Variants in WDR83 observed in about 807,000 individuals in gnomAD.
The protein encoded by WDR83 is WD repeat domain 83.
In WDR83, 37 loss-of-function variants were observed where a neutral mutation model predicts 37.7. That is an observed-to-expected ratio of 0.98 (90% CI 0.76 to 1.29). The LOEUF is 1.29. WDR83 is among the 50% of genes most tolerant of loss of function. The pLI is 0.00. For synonymous variants in WDR83, 174 were observed against 181.1 expected (o/e 0.96, Z 0.31); for missense variants, 445 against 414.4 (o/e 1.07, Z -0.64).
At position 12,666,832 on chromosome 19, in the gene WDR83, G is replaced by T. The variant is rs1012389053; in HGVS notation, c.-317G>T. 6 of 899,272 alleles carry T rather than the reference G, an allele frequency of 6.7e-6. No individual in the cohort carries two copies. The highest frequency in any genetic ancestry group is 9.9e-6 in the Non-Finnish European group (6 of 607,540). The allele number at this position is 899,272 out of a possible 1,614,324, so 55.7% of individuals were successfully genotyped here. On this transcript the variant is annotated 5_prime_UTR_variant, in exon 1 of 11. In the 5' UTR this introduces an upstream ATG that the reference lacks. Coordinates refer to ENST00000418543, the MANE Select transcript of WDR83 (RefSeq NM_001099737.3). ...GCGGTCTGGAGGCTCACGGGAGAGA[G>T]GCTGTAGCCCTGGGCAATCCCGGGG... is the stretch of plus-strand genomic sequence containing the variant.
intron 10 of WDR83, among the ~76,000 whole-genome samples, chr19:12,673,637 TA>T (rs1216732240): frequency 6.6e-6 from 1 of 150,618 alleles, no homozygotes; most frequent in Non-Finnish European, 1.5e-5. Context: ...AGGCTGGTCT[TA>T]AACTCCTGAC....
intron 7 of WDR83, 79 bp from the exon 8 acceptor site, chr19:12,672,768 C>A: frequency 6.9e-7 from 1 of 1,450,450 alleles, no homozygotes; most frequent in Non-Finnish European, 9.5e-7. Context: ...AGCAGGCCCA[C>A]TGGGCTGGGA....
At chr19:12,668,701 G>A (rs564299474) in intron 2 of WDR83, 74 bp downstream of exon 2, 3 of 1,146,434 alleles carry the variant, frequency 2.6e-6, no homozygotes, top group East Asian at 2.5e-5. Flanking sequence ...ACCAGATCAT[G>A]CCCACTGATT....
At position 12,670,298 on chromosome 19, in the gene WDR83, C is replaced by T. The variant is rs2024374361; in HGVS notation, c.330+13C>T. Reference sequence around the variant, plus strand: ...GGGCCACGCAGGGGTGAGTGAAAGCCTGGAGACCCTCATTTGAGTGGAGGG... The same window carrying T: ...GGGCCACGCAGGGGTGAGTGAAAGCTTGGAGACCCTCATTTGAGTGGAGGG... On this transcript the variant is annotated intron_variant, in intron 5 of 10. Transcript: ENST00000418543. The T allele has an allele frequency of 1.2e-6, 2 of 1,611,838 alleles. No individual in the cohort carries two copies. The highest frequency in any genetic ancestry group is 1.3e-5 in the African/African-American group (1 of 74,866).
intron 7 of WDR83, among the ~76,000 whole-genome samples, chr19:12,671,963 TG>T (rs1238960707): frequency 6.6e-6 from 1 of 152,196 alleles, no homozygotes; most frequent in African/African-American, 2.4e-5. Flanking sequence ...CCCAAAGAGC[TG>T]GAATCACAGG....
intron 10 of WDR83, among the ~76,000 whole-genome samples, chr19:12,674,720 G>C (rs1339717228): frequency 6.6e-6 from 1 of 152,120 alleles, no homozygotes; most frequent in Non-Finnish European, 1.5e-5. Context: ...CTGTGAGCAA[G>C]GCATGCTCCA....
At position 12,669,768 on chromosome 19, in the gene WDR83, T is replaced by G. The variant is rs1296275059; in HGVS notation, c.-23T>G. ...TTTTCCGTACAGACCGATTTAAGGC[T>G]GCAAGGAAGGAGTCCTGGGAGCATG... On this transcript the variant is annotated 5_prime_UTR_variant, in exon 3 of 11. Transcript: ENST00000418543. The G allele has an allele frequency of 6.4e-7, 1 of 1,566,814 alleles. No individual in the cohort carries two copies.
intron 1 of WDR83, 29 bp downstream of exon 1, chr19:12,667,021 G>GC: frequency 2.3e-6 from 1 of 443,434 alleles, no homozygotes; most frequent in Admixed American, 3.9e-5. Context: ...TTCCTAAGGG[G>GC]GCCGGGTTTT....
Position 12,670,562 on chromosome 19 carries a change from G to A in WDR83, c.331-1G>A. ...CCTCTGAGTGGCAATAACTTTCTCA[G>A]AAGGTGAACACGGTGCAGTTTAATG... is the stretch of plus-strand genomic sequence containing the variant. On this transcript the variant is annotated splice_acceptor_variant, in intron 5 of 10. Coordinates refer to ENST00000418543, the MANE Select transcript of WDR83 (RefSeq NM_001099737.3). LOFTEE classifies it high-confidence loss of function. The A allele has an allele frequency of 6.2e-7, 1 of 1,614,218 alleles. No individual in the cohort carries two copies. Among genetic ancestry groups the A allele is most frequent in the Non-Finnish European group, 8.5e-7 (1 of 1,180,042 alleles).
intron 2 of WDR83, chr19:12,669,402 A>T (rs1354996742): frequency 2.9e-5 from 47 of 1,596,338 alleles, no homozygotes; most frequent in Non-Finnish European, 3.9e-5. Context: ...GTTAGTGGAC[A>T]TAGCGAGTCG....
chr19:12,674,039 C>G (rs757716836), intron 10 of WDR83, among the ~76,000 whole-genome samples: 2 of 152,124 alleles, frequency 1.3e-5, no homozygotes, highest in African/African-American at 2.4e-5. Context: ...GCATTCCAGG[C>G]AAAGGGAACA....
At chr19:12,672,803 G>GT (rs1239244298) in intron 7 of WDR83, 44 bp from the exon 8 acceptor site, 1 of 1,550,172 alleles carries the variant, frequency 6.5e-7, no homozygotes, top group African/African-American at 1.4e-5. Context: ...CTGGAGCCAT[G>GT]TGAGTGTAGT....
rs762783274 is a variant in WDR83 at position 12,675,819 on chromosome 19, T to C, written c.*147T>C. The C allele has an allele frequency of 8.9e-6, 14 of 1,577,046 alleles. No individual in the cohort carries two copies. In the Admixed American group the frequency reaches 2.5e-4, roughly 29 times the overall value. ...AATAAATAGAAGAGGGGGTAAGACC[T>C]TCCTGGGACCGCAGCCGCTCAGTCC... On this transcript the variant is annotated 3_prime_UTR_variant, in exon 11 of 11. Transcript: ENST00000418543.
intron 10 of WDR83, 92 bp downstream of exon 10, chr19:12,673,408 ATCTT>A (rs1279855186): frequency 2.0e-4 from 52 of 265,958 alleles, no homozygotes; most frequent in Non-Finnish European, 2.4e-4. Context: ...GAAGGCTAGG[ATCTT>A]TTTTTTTTTT....
At chr19:12,669,576 C>T (rs945844046) in intron 2 of WDR83, 179 bp from the exon 3 acceptor site, 14 of 970,198 alleles carry the variant, frequency 1.4e-5, no homozygotes, top group Admixed American at 2.7e-5. Flanking sequence ...AGCCAGAAGT[C>T]TTCCTTTCAA....
chr19:12,671,409 T>C (rs2145314642), intron 7 of WDR83: 1 of 152,784 alleles, frequency 6.5e-6, no homozygotes, highest in African/African-American at 2.4e-5. Context: ...TCCCAGCACT[T>C]TGGGAGGCAG....
Position 12,670,700 on chromosome 19 carries a change from A to G in WDR83, c.385A>G (p.Ile129Val), listed in dbSNP as rs201520215. The G allele has an allele frequency of 1.4e-4, 228 of 1,614,008 alleles. No individual in the cohort carries two copies. Among genetic ancestry groups the G allele is most frequent in the Non-Finnish European group, 1.7e-5 (20 of 1,180,026 alleles). ...EEATVILSGS[I>V]DSSIRCWDCR... Reference sequence around the variant, plus strand: ...CCATCATGCTGGCCTCACAGGCTCTATTGATTCCAGTATCCGCTGTTGGGA... The same window carrying G: ...CCATCATGCTGGCCTCACAGGCTCTGTTGATTCCAGTATCCGCTGTTGGGA... The change falls in exon 7 of 11, where the codon ATT becomes GTT. Residue 129 changes from isoleucine (I) to valine (V), a missense_variant. Physicochemically the swap from Ile to Val is conservative, Grantham distance 29. Coordinates refer to ENST00000418543, the MANE Select transcript of WDR83 (RefSeq NM_001099737.3).
In WDR83 at chr19:12,668,576, G is replaced by A. The variant is rs149144620; in HGVS notation, c.-88G>A. 1.7e-5 allele frequency: 27 copies of A among 1,614,024 alleles called. No homozygotes were observed. Among genetic ancestry groups the A allele is most frequent in the Non-Finnish European group, 2.3e-5 (27 of 1,180,024 alleles). Reference sequence around the variant, plus strand: ...CCGAGCTCCGAGAGTTGGCAAAGCTGATGAAGGAGCAGTAGACAGCGACCC... The same window carrying A: ...CCGAGCTCCGAGAGTTGGCAAAGCTAATGAAGGAGCAGTAGACAGCGACCC... On this transcript the variant is annotated 5_prime_UTR_variant, in exon 2 of 11. Transcript: ENST00000418543.
rs1181737603 is a variant in WDR83, at chr19:12,670,117, G to A, written c.224+20G>A. On this transcript the variant is annotated intron_variant, in intron 4 of 10. Transcript: ENST00000418543. The stretch of plus-strand genomic sequence containing the variant: ...GGCCGGGTGAGCCGGGGACCAGGCT[G>A]GGATGGGAGCGCTGAGGCTGGGATC... The A allele has an allele frequency of 4.4e-6, 7 of 1,607,546 alleles. No individual in the cohort carries two copies. The highest frequency in any genetic ancestry group is 5.1e-6 in the Non-Finnish European group (6 of 1,175,542).
Sources: allele counts gnomAD v4.1 joint callset (sites outside exome capture counted in the v4.1 genomes callset), GRCh38; gene constraint gnomAD v4.1.1; transcripts MANE v1.5; gene names NCBI Gene and HGNC (gene_info 2026-07-23, HGNC 2026-07-21).